The following RANBP2 variants were observed in gnomAD, a reference collection of about 807,000 sequenced individuals.
RANBP2 encodes E3 SUMO-protein ligase RanBP2.
RANBP2 carries 57 observed loss-of-function variants against 303.6 expected under a neutral mutation model. The ratio of observed to expected loss-of-function variants is 0.19; its 90% confidence interval spans 0.15 to 0.23. The LOEUF (loss-of-function observed/expected upper bound fraction) is 0.23, where lower values mean the gene tolerates loss of function less well. Among genes scored for constraint, RANBP2 ranks in the 10% least tolerant of loss-of-function variants. The pLI is 1.00. For synonymous variants in RANBP2, 1,167 were observed against 1,301.5 expected, an observed-to-expected ratio of 0.90 and a Z score of 2.23; for missense variants, 3,138 against 3,780.8, an observed-to-expected ratio of 0.83 and a Z score of 4.46.
the RANBP2 span, among the ~76,000 whole-genome samples, chr2:109,516,115 G>A: frequency 6.6e-6 from 1 of 152,212 alleles, no homozygotes; most frequent in African/African-American, 2.4e-5. Flanking sequence ...GGGCTAAGGG[G>A]CATGGGAGCA....
At chr2:108,896,422 G>C in the RANBP2 span, 1 of 156,928 alleles carries the variant, frequency 6.4e-6, no homozygotes, top group African/African-American at 2.4e-5. Context: ...GTCATCTCCC[G>C]CTTAGAACTT....
At chr2:109,354,266 G>A in the RANBP2 span, among the ~76,000 whole-genome samples, 11 of 152,226 alleles carry the variant, frequency 7.2e-5, no homozygotes, top group Non-Finnish European at 1.0e-4. Context: ...GGGTCACTGC[G>A]GTGGAGCAGG....
the RANBP2 span, among the ~76,000 whole-genome samples, chr2:109,446,072 T>A: frequency 6.6e-6 from 1 of 152,224 alleles, no homozygotes; most frequent in Non-Finnish European, 1.5e-5. Flanking sequence ...TGGGCTACTT[T>A]GGCATCACTA....
chr2:109,238,439 TTA>T, the RANBP2 span, among the ~76,000 whole-genome samples: 5 of 146,076 alleles, frequency 3.4e-5, no homozygotes, highest in Non-Finnish European at 6.0e-5. Flanking sequence ...TTCTTGTTTG[TTA>T]TGTATATTTG....
the RANBP2 span, among the ~76,000 whole-genome samples, chr2:109,330,659 G>T: frequency 6.6e-6 from 1 of 152,144 alleles, no homozygotes; most frequent in East Asian, 1.9e-4. Flanking sequence ...AGGGATGATA[G>T]ATTGAGGAGT....
the RANBP2 span, among the ~76,000 whole-genome samples, chr2:109,581,001 C>T: frequency 1.3e-5 from 2 of 152,192 alleles, no homozygotes; most frequent in Middle Eastern, 3.2e-3. Flanking sequence ...CTGGAGAGGG[C>T]CCCCAAGTCC....
At chr2:108,722,558 A>G (rs1487279855) in intron 1 of RANBP2, among the ~76,000 whole-genome samples, 1 of 150,818 alleles carries the variant, frequency 6.6e-6, no homozygotes, top group African/African-American at 2.5e-5. Context: ...TCTGTATATC[A>G]TATCTTTCTA....
the RANBP2 span, among the ~76,000 whole-genome samples, chr2:109,442,082 C>T: frequency 1.3e-4 from 20 of 152,166 alleles, no homozygotes; most frequent in Admixed American, 7.2e-4. Flanking sequence ...GAGGCTGAGA[C>T]GGGTGGATCA....
In RANBP2 at chr2:108,764,766, A is replaced by G. The variant is rs1307736863; in HGVS notation, c.4227A>G (p.Ala1409=). The change falls in exon 20 of 29, where the codon GCA becomes GCG. Residue 1409 remains alanine, a synonymous_variant. Transcript: ENST00000283195. ...CAGAGAATGTTCAAGATCGATTTGCATTGGTGACTCCAAAGAAAGAAGGTC... is the reference window on the plus strand; with the variant it reads ...CAGAGAATGTTCAAGATCGATTTGCGTTGGTGACTCCAAAGAAAGAAGGTC... ...TSPENVQDRF[A]LVTPKKEGHW... 3 of 1,613,966 alleles carry G rather than the reference A, an allele frequency of 1.9e-6. No homozygotes were observed. The highest frequency in any genetic ancestry group is 1.7e-5 in the Admixed American group (1 of 59,986).
At chr2:109,763,128 G>T in the RANBP2 span, among the ~76,000 whole-genome samples, 1 of 150,026 alleles carries the variant, frequency 6.7e-6, no homozygotes, top group Non-Finnish European at 1.5e-5. Flanking sequence ...GTAAGTGGTA[G>T]TAGTTCCATT....
At chr2:108,941,627 C>T in the RANBP2 span, among the ~76,000 whole-genome samples, 3 of 152,164 alleles carry the variant, frequency 2.0e-5, no homozygotes, top group Non-Finnish European at 4.4e-5. Flanking sequence ...ATCTCCTTGG[C>T]CCAGAGGCAC....
At chr2:109,589,787 C>G in the RANBP2 span, among the ~76,000 whole-genome samples, 1 of 151,876 alleles carries the variant, frequency 6.6e-6, no homozygotes, top group African/African-American at 2.4e-5. Context: ...TATGTCCACC[C>G]AAGAACTTAT....
the RANBP2 span, among the ~76,000 whole-genome samples, chr2:109,011,635 G>A: frequency 6.6e-6 from 1 of 152,156 alleles, no homozygotes; most frequent in Non-Finnish European, 1.5e-5. Flanking sequence ...CTGCTGTTAT[G>A]AGGATATTGG....
chr2:109,649,792 G>C, the RANBP2 span, among the ~76,000 whole-genome samples: 1 of 152,018 alleles, frequency 6.6e-6, no homozygotes, highest in African/African-American at 2.4e-5. Flanking sequence ...TCAAGTTTTT[G>C]GTTTCTCATT....
chr2:108,894,387 ACAGAG>A, the RANBP2 span: 2 of 152,566 alleles, frequency 1.3e-5, no homozygotes, highest in African/African-American at 4.8e-5. Flanking sequence ...ATAACCAGGA[ACAGAG>A]CAATCAGAAC....
the RANBP2 span, among the ~76,000 whole-genome samples, chr2:109,664,098 A>G: frequency 6.6e-6 from 1 of 152,232 alleles, no homozygotes; most frequent in Non-Finnish European, 1.5e-5. Flanking sequence ...GTTGCTCAGC[A>G]GCCCTAATTA....
At chr2:109,240,419 C>A in the RANBP2 span, among the ~76,000 whole-genome samples, 146 of 152,142 alleles carry the variant, frequency 9.6e-4, 2 homozygotes, top group African/African-American at 3.3e-3. Flanking sequence ...ACCTGGGAGG[C>A]GGAGCTTGCA....
At chr2:109,374,442 A>G in the RANBP2 span, among the ~76,000 whole-genome samples, 1 of 152,286 alleles carries the variant, frequency 6.6e-6, no homozygotes, top group African/African-American at 2.4e-5. Context: ...CACCACATGG[A>G]TCCTGGTGGA....
Position 108,753,408 on chromosome 2 carries a change from A to G in RANBP2, c.1918-18A>G. 2 of 1,611,636 alleles carry G rather than the reference A, an allele frequency of 1.2e-6. No individual in the cohort carries two copies. The highest frequency in any genetic ancestry group is 2.2e-5 in the South Asian group (2 of 90,962). ...CTGAGTATAAACAATTTGACTAAAA[A>G]CTATTCTGTGTGTTTAGGCATCAGA... is the stretch of plus-strand genomic sequence containing the variant. On this transcript the variant is annotated intron_variant, in intron 13 of 28. Transcript: ENST00000283195.
Sources: gnomAD v4.1 joint callset for allele counts (sites outside exome capture counted in the v4.1 genomes callset) on GRCh38, gnomAD v4.1.1 for gene constraint, MANE v1.5 for transcripts, NCBI Gene and HGNC (gene_info 2026-07-23, HGNC 2026-07-21) for gene names.